Variants in IARS1 observed in about 807,000 individuals in gnomAD.
IARS1 encodes isoleucine--tRNA ligase, cytoplasmic.
IARS1 carries 124 observed loss-of-function variants against 168.2 expected under a neutral mutation model. The ratio of observed to expected loss-of-function variants is 0.74; its 90% CI spans 0.64 to 0.86. The LOEUF (loss-of-function observed/expected upper bound fraction) is 0.86, where lower values mean the gene tolerates loss of function less well. IARS1 is among the 40% of genes least tolerant of loss of function. The pLI, the probability that IARS1 is intolerant of heterozygous loss-of-function variation, is 0.00. For missense variants in IARS1, 1,452 were observed against 1,515.8 expected (o/e 0.96, Z 0.70); for synonymous variants, 532 against 529.4 (o/e 1.00, Z -0.07).
At chr9:92,220,941 G>C (rs972368986) in intron 33 of IARS1, among the ~76,000 whole-genome samples, 1 of 152,116 alleles carries the variant, frequency 6.6e-6, no homozygotes, top group Non-Finnish European at 1.5e-5. Flanking sequence ...TGCAGCCTGC[G>C]TGACAGAACA....
At chr9:92,229,390 T>C (rs1009736216) in intron 30 of IARS1, among the ~76,000 whole-genome samples, 22 of 97,596 alleles carry the variant, frequency 2.3e-4, no homozygotes, top group South Asian at 6.3e-4. Flanking sequence ...CACACACACA[T>C]CTCCATCCTT....
At chr9:92,251,173 C>T (rs201333463) in intron 22 of IARS1, 259 of 464,326 alleles carry the variant, frequency 5.6e-4, no homozygotes, top group Non-Finnish European at 9.8e-4. Context: ...GGGGAAAATA[C>T]CCCCTGCTTC....
At chr9:92,253,855 TAA>T (rs1382826154) in intron 20 of IARS1, 1 of 481,406 alleles carries the variant, frequency 2.1e-6, no homozygotes, top group South Asian at 1.5e-5. Flanking sequence ...GTACTTCAAC[TAA>T]AAGACAAAAA....
chr9:92,272,977 T>C (rs999321199), intron 10 of IARS1, among the ~76,000 whole-genome samples: 2 of 150,640 alleles, frequency 1.3e-5, no homozygotes, highest in African/African-American at 2.4e-5. Context: ...ATATGAGATA[T>C]AACTCTAGAG....
At position 92,289,367 on chromosome 9, in the gene IARS1, A is replaced by C; in HGVS notation, c.53T>G (p.Ile18Ser). The C allele has an allele frequency of 6.3e-7, 1 of 1,598,076 alleles. No homozygotes were observed. Among genetic ancestry groups the C allele is most frequent in the Non-Finnish European group, 8.6e-7 (1 of 1,166,886 alleles). The part of the protein sequence containing the change: ...NINFPAEEEK[I>S]LEFWTEFNCF... The stretch of plus-strand genomic sequence containing the variant: ...ATTAAATTCAGTCCAAAACTCCAAG[A>C]TTTTCTCTTCTTCAGCAGGAAAATT... Residue 18 changes from isoleucine (I) to serine (S), a missense_variant, in exon 2 of 34, where the codon ATC (isoleucine) becomes AGC (serine). Coordinates refer to ENST00000443024, the MANE Select transcript of IARS1 (RefSeq NM_002161.6).
intron 30 of IARS1, among the ~76,000 whole-genome samples, chr9:92,230,813 A>G (rs1023261308): frequency 1.3e-5 from 2 of 152,224 alleles, no homozygotes; most frequent in African/African-American, 2.4e-5. Flanking sequence ...TAAGACCTCA[A>G]TGTGATTTCA....
Position 92,227,060 on chromosome 9 carries a change from G to A in IARS1, c.3409+1941C>T, listed in dbSNP as rs1412902687. 2.9e-5 allele frequency among the ~76,000 whole-genome samples: 4 copies of A among 137,554 alleles called. No individual in the cohort carries two copies. The East Asian group carries it at 8.1e-4, about 28-fold the overall frequency. The allele number at this position is 137,554 out of a possible 152,430, so 90.2% of individuals were successfully genotyped here. A position where few individuals can be genotyped will look rare whatever the true frequency, so the allele number is the denominator to read the frequency against. Reference sequence around the variant, plus strand: ...TGTTTAACAAAGCACATCTTGCACCGCCCTTAATCCATTCAACCCTGAGTG... The same window carrying A: ...TGTTTAACAAAGCACATCTTGCACCACCCTTAATCCATTCAACCCTGAGTG... On this transcript the variant is annotated intron_variant, in intron 31 of 33. Transcript: ENST00000443024.
Position 92,271,528 on chromosome 9 carries a change from C to G in IARS1, c.1113+5G>C, listed in dbSNP as rs779853792. 6.2e-7 allele frequency: 1 copy of G among 1,613,872 alleles called. No individual in the cohort carries two copies. Among genetic ancestry groups the G allele is most frequent in the African/African-American group, 1.3e-5 (1 of 74,906 alleles). ...TCACCCTTCTATGCTATATGGATTACAGACCTTCACATACTGTCCTGCGAA... is the reference window on the plus strand; with the variant it reads ...TCACCCTTCTATGCTATATGGATTAGAGACCTTCACATACTGTCCTGCGAA... On this transcript the variant is annotated splice_donor_5th_base_variant and intron_variant, in intron 11 of 33. Coordinates refer to ENST00000443024, the MANE Select transcript of IARS1 (RefSeq NM_002161.6).
At chr9:92,273,162 A>G (rs1044031510) in intron 10 of IARS1, among the ~76,000 whole-genome samples, 1 of 151,612 alleles carries the variant, frequency 6.6e-6, no homozygotes, top group African/African-American at 2.4e-5. Flanking sequence ...CCTACACTAC[A>G]ATTCAAAACC....
chr9:92,218,237 A>C (rs1286153330), intron 33 of IARS1, among the ~76,000 whole-genome samples: 1 of 145,026 alleles, frequency 6.9e-6, no homozygotes, highest in Non-Finnish European at 1.5e-5. Context: ...CTTCATGCTA[A>C]AAACTCTCAA....
At chr9:92,282,707 C>A (rs1043677523) in intron 6 of IARS1, among the ~76,000 whole-genome samples, 1 of 151,938 alleles carries the variant, frequency 6.6e-6, no homozygotes, top group Admixed American at 6.6e-5. Context: ...GAGGTCAAGG[C>A]TGCAGTGAGC....
At chr9:92,218,908 T>C (rs1489029471) in intron 33 of IARS1, among the ~76,000 whole-genome samples, 2 of 151,888 alleles carry the variant, frequency 1.3e-5, no homozygotes, top group East Asian at 3.9e-4. Flanking sequence ...CTTCACAGAA[T>C]TGGAAAAAAC....
chr9:92,231,567 C>A (rs370647463), intron 30 of IARS1, among the ~76,000 whole-genome samples: 57 of 150,784 alleles, frequency 3.8e-4, no homozygotes, highest in African/African-American at 1.4e-3. Flanking sequence ...ACATGTGCCA[C>A]CATGCCCAGC....
Position 92,253,468 on chromosome 9 carries a change from A to C in IARS1, c.2138-15T>G. The C allele has an allele frequency of 6.3e-7, 1 of 1,583,040 alleles. No homozygotes were observed. Among genetic ancestry groups the C allele is most frequent in the Non-Finnish European group, 8.7e-7 (1 of 1,152,150 alleles). On this transcript the variant is annotated splice_polypyrimidine_tract_variant and intron_variant, in intron 20 of 33. Transcript: ENST00000443024. ...AAGCCTATAAGCTAAAAGTAAGACA[A>C]GTCAATCAGGCAGCAAGTGGGTTAC...
intron 2 of IARS1, among the ~76,000 whole-genome samples, chr9:92,288,538 A>G (rs928693960): frequency 6.6e-6 from 1 of 152,206 alleles, no homozygotes; most frequent in Non-Finnish European, 1.5e-5. Context: ...CAAATTATTT[A>G]TCCTGATCTT....
intron 32 of IARS1, 80 bp from the exon 33 acceptor site, chr9:92,222,752 T>G (rs1839853891): frequency 6.8e-7 from 1 of 1,478,944 alleles, no homozygotes. Flanking sequence ...TGCGGACAGC[T>G]CTAACAGGCA....
chr9:92,218,816 G>T (rs887013057), intron 33 of IARS1, among the ~76,000 whole-genome samples: 1 of 150,384 alleles, frequency 6.6e-6, no homozygotes, highest in South Asian at 2.1e-4. Context: ...TGGGTAGGAA[G>T]AATCAATATC....
chr9:92,245,114 T>C (rs772681978), intron 26 of IARS1, 43 bp from the exon 27 acceptor site: 3 of 1,496,990 alleles, frequency 2.0e-6, no homozygotes, highest in Non-Finnish European at 1.9e-6. Flanking sequence ...TCCCCTCCTC[T>C]TCAAGCTGCC....
At chr9:92,270,571 G>A (rs1197335749) in intron 12 of IARS1, among the ~76,000 whole-genome samples, 1 of 152,132 alleles carries the variant, frequency 6.6e-6, no homozygotes, top group Non-Finnish European at 1.5e-5. Flanking sequence ...AAGGTGGGAG[G>A]ATTATTTGAG....
Sources: allele counts gnomAD v4.1 joint callset (sites outside exome capture counted in the v4.1 genomes callset), GRCh38; gene constraint gnomAD v4.1.1; transcripts MANE v1.5; gene names NCBI Gene and HGNC (gene_info 2026-07-23, HGNC 2026-07-21).